GRIP1: variants seen among roughly 807,000 people sequenced by gnomAD.
The protein encoded by GRIP1 is glutamate receptor-interacting protein 1.
Under a neutral mutation model 129.9 loss-of-function variants are expected in GRIP1, and 45 were observed. The observed-to-expected ratio is 0.35, with a 90% CI of 0.27 to 0.44. The LOEUF (loss-of-function observed/expected upper bound fraction) is 0.44. Among genes scored for constraint, GRIP1 ranks in the 20% least tolerant of loss-of-function variants. The probability of loss-of-function intolerance (pLI) is 1.00; values close to 1 mark genes in which losing one functional copy is unlikely to be tolerated. For synonymous variants in GRIP1, 530 were observed against 520.8 expected (o/e 1.02, Z -0.24); for missense variants, 1,196 against 1,396.8 (o/e 0.86, Z 2.29).
rs1371387615 is a variant in GRIP1 at position 66,697,891 on chromosome 12, A to G, written c.-419-67555T>C. Reference sequence around the variant, plus strand: ...AGCAAATGCAAATCAAGACCCCCTCAACAAAGCGAAGTGCAACAAGAATAA... The same window carrying G: ...AGCAAATGCAAATCAAGACCCCCTCGACAAAGCGAAGTGCAACAAGAATAA... On this transcript the variant is annotated intron_variant, in intron 1 of 4. Coordinates refer to the GRIP1 transcript ENST00000538373. Among the ~76,000 whole-genome samples, 4 of 151,360 alleles carry G rather than the reference A, an allele frequency of 2.6e-5. No individual in the cohort carries two copies. The East Asian group carries it at 7.8e-4, about 29-fold the overall frequency.
At chr12:67,027,001 C>T (rs1029598557) in intron 1 of GRIP1, among the ~76,000 whole-genome samples, 2 of 152,190 alleles carry the variant, frequency 1.3e-5, no homozygotes, top group African/African-American at 4.8e-5. Flanking sequence ...CAGCTCACTA[C>T]AGCCTCGACC....
chr12:66,603,290 C>A (rs958315777), intron 1 of GRIP1, among the ~76,000 whole-genome samples: 25 of 151,954 alleles, frequency 1.6e-4, no homozygotes, highest in Admixed American at 1.3e-3. Flanking sequence ...CTGATAAACA[C>A]TTCAGGGATT....
chr12:66,426,094 A>G (rs1321269697), intron 14 of GRIP1, among the ~76,000 whole-genome samples: 1 of 152,206 alleles, frequency 6.6e-6, no homozygotes, highest in African/African-American at 2.4e-5. Flanking sequence ...ACAACCCTGT[A>G]AGATTACTGC....
At chr12:66,848,685 T>C (rs538189872) in intron 1 of GRIP1, among the ~76,000 whole-genome samples, 5 of 152,302 alleles carry the variant, frequency 3.3e-5, no homozygotes, top group African/African-American at 1.2e-4. Context: ...CATTCTCAAA[T>C]TACAACTCCC....
chr12:66,537,909 G>T (rs139699852), intron 4 of GRIP1, among the ~76,000 whole-genome samples: 1 of 152,170 alleles, frequency 6.6e-6, no homozygotes, highest in Non-Finnish European at 1.5e-5. Context: ...AACTGGTGCC[G>T]CTGTTCTTCC....
rs368183833 is a variant in GRIP1, at chr12:66,678,204, ATTTTAGAGTTCTAAG to A, written c.55+631_55+645del. On this transcript the variant is annotated intron_variant, in intron 1 of 24. Transcript: ENST00000359742. Reference sequence around the variant, plus strand: ...AATATTACAGAGAAATTTAATTACTATTTTAGAGTTCTAAGAGTGACAATCTGAAGCTGGTAATTC... The same window carrying A: ...AATATTACAGAGAAATTTAATTACTAAGTGACAATCTGAAGCTGGTAATTC... 7.0e-3 allele frequency among the ~76,000 whole-genome samples: 1,072 copies of A among 152,282 alleles called. 14 individuals carry two copies. Among genetic ancestry groups the A allele is most frequent in the African/African-American group, 0.024 (1,017 of 41,568 alleles).
chr12:66,411,483 A>G (rs528329092), intron 15 of GRIP1, among the ~76,000 whole-genome samples: 5 of 152,176 alleles, frequency 3.3e-5, no homozygotes, highest in African/African-American at 9.7e-5. Context: ...CAGATCAGCA[A>G]CCTCAAAGAT....
chr12:66,558,084 G>A (rs2062395824), intron 2 of GRIP1, among the ~76,000 whole-genome samples: 1 of 152,050 alleles, frequency 6.6e-6, no homozygotes, highest in Admixed American at 6.6e-5. Flanking sequence ...TATGAAAACA[G>A]AGAGAAGACC....
intron 1 of GRIP1, among the ~76,000 whole-genome samples, chr12:66,840,521 T>C (rs2039696588): frequency 6.6e-6 from 1 of 152,214 alleles, no homozygotes; most frequent in South Asian, 2.1e-4. Context: ...GCTGCACTGT[T>C]AATGAGGCAT....
rs1555202428 is a variant in GRIP1, at chr12:66,533,904, CTT to C, written c.419-3992_419-3991del. ...ATACACACACTCTCTCTCTCTCTCT[CTT>C]TTCTGATTCTTTCTGAACTCTGTGG... On this transcript the variant is annotated intron_variant, in intron 4 of 24. Coordinates refer to ENST00000359742, the MANE Select transcript of GRIP1 (RefSeq NM_001366722.1). 6.6e-5 allele frequency among the ~76,000 whole-genome samples: 10 copies of C among 150,836 alleles called. No homozygotes were observed. The South Asian group carries it at 1.5e-3, about 22-fold the overall frequency.
intron 1 of GRIP1, among the ~76,000 whole-genome samples, chr12:66,905,246 TG>T (rs1163039318): frequency 1.3e-5 from 2 of 152,254 alleles, no homozygotes; most frequent in Admixed American, 1.3e-4. Context: ...AACATGAATG[TG>T]GCAAGTTGCC....
chr12:66,876,290 A>G (rs2040382134), intron 1 of GRIP1, among the ~76,000 whole-genome samples: 1 of 152,036 alleles, frequency 6.6e-6, no homozygotes, highest in Admixed American at 6.6e-5. Flanking sequence ...TTATTGTTAT[A>G]ATCATCTTCA....
chr12:66,844,292 A>G lies in GRIP1; in HGVS notation c.58+224758T>C, dbSNP rs950864142. On this transcript the variant is annotated intron_variant, in intron 1 of 1. Coordinates refer to the GRIP1 transcript ENST00000643019. Reference sequence around the variant, plus strand: ...GATTTTAAATGGGCAAAAGACTTGAATAGACATTCCTCCAAGGATATACAA... The same window carrying G: ...GATTTTAAATGGGCAAAAGACTTGAGTAGACATTCCTCCAAGGATATACAA... Among the ~76,000 whole-genome samples the G allele has an allele frequency of 8.5e-5, 13 of 152,208 alleles. 1 individual carries two copies. The highest frequency in any genetic ancestry group is 2.9e-5 in the Non-Finnish European group (2 of 68,028).
chr12:66,557,226 C>T (rs768695702), intron 2 of GRIP1, among the ~76,000 whole-genome samples: 1 of 151,962 alleles, frequency 6.6e-6, no homozygotes, highest in Non-Finnish European at 1.5e-5. Flanking sequence ...TGAGAAGAGA[C>T]AAAGAGGGCT....
chr12:66,567,102 GT>G (rs967842679), intron 2 of GRIP1, among the ~76,000 whole-genome samples: 5 of 152,132 alleles, frequency 3.3e-5, no homozygotes, highest in South Asian at 4.1e-4. Context: ...TTTTTTGAAG[GT>G]TTTTTTGTGT....
intron 3 of GRIP1, among the ~76,000 whole-genome samples, chr12:66,540,917 G>A (rs899453832): frequency 6.6e-6 from 1 of 152,052 alleles, no homozygotes; most frequent in East Asian, 1.9e-4. Flanking sequence ...TCCTGCCTCA[G>A]CCTCCCAAGT....
intron 7 of GRIP1, among the ~76,000 whole-genome samples, chr12:66,491,386 C>T (rs1245499578): frequency 1.3e-5 from 2 of 152,172 alleles, no homozygotes; most frequent in Admixed American, 6.5e-5. Flanking sequence ...ACTGCATGTC[C>T]TCATTTATAA....
At chr12:66,473,299 A>C (rs1448164404) in intron 7 of GRIP1, among the ~76,000 whole-genome samples, 2 of 152,204 alleles carry the variant, frequency 1.3e-5, no homozygotes, top group Non-Finnish European at 2.9e-5. Flanking sequence ...TGGGCAGGGC[A>C]TCTCTGAAAG....
At chr12:66,828,268 GA>G (rs1351016453) in intron 1 of GRIP1, among the ~76,000 whole-genome samples, 2 of 152,178 alleles carry the variant, frequency 1.3e-5, no homozygotes, top group Non-Finnish European at 2.9e-5. Context: ...TTAGGTTAAA[GA>G]GAGCAAGAGA....
Sources: gnomAD v4.1 joint callset for allele counts (sites outside exome capture counted in the v4.1 genomes callset) on GRCh38, gnomAD v4.1.1 for gene constraint, MANE v1.5 for transcripts, NCBI Gene and HGNC (gene_info 2026-07-23, HGNC 2026-07-21) for gene names.